NIBAN1: variants seen among roughly 807,000 people sequenced by gnomAD.
NIBAN1 encodes the protein protein Niban 1.
Under a neutral mutation model 75.1 loss-of-function variants are expected in NIBAN1, and 81 were observed. That is an observed-to-expected ratio of 1.08 (90% CI 0.90 to 1.30). NIBAN1 has a LOEUF of 1.30. NIBAN1 is among the 50% of genes most tolerant of loss of function. The probability of loss-of-function intolerance (pLI) is 0.00; values close to 1 mark genes in which losing one functional copy is unlikely to be tolerated. For synonymous variants in NIBAN1, 436 were observed against 424.8 expected (o/e 1.03, Z -0.32); for missense variants, 1,133 against 1,128.1 (o/e 1.00, Z -0.06).
intron 1 of NIBAN1, among the ~76,000 whole-genome samples, chr1:184,899,916 A>C (rs1656904285): frequency 6.7e-6 from 1 of 150,272 alleles, no homozygotes; most frequent in African/African-American, 2.5e-5. Flanking sequence ...TCCCGGGTTC[A>C]AGCGATTCTC....
intron 1 of NIBAN1, among the ~76,000 whole-genome samples, chr1:184,938,536 CTT>C (rs1276171950): frequency 2.0e-5 from 3 of 151,536 alleles, no homozygotes; most frequent in Non-Finnish European, 1.5e-5. Flanking sequence ...CAAGTCAAAT[CTT>C]TTTTTGTGAA....
intron 13 of NIBAN1, among the ~76,000 whole-genome samples, chr1:184,796,929 T>A (rs574448890): frequency 4.6e-5 from 7 of 152,342 alleles, no homozygotes; most frequent in African/African-American, 1.7e-4. Flanking sequence ...GGGCTGGCAG[T>A]GGCCTTGACC....
intron 1 of NIBAN1, among the ~76,000 whole-genome samples, chr1:184,955,141 T>A (rs1320955341): frequency 6.6e-6 from 1 of 152,214 alleles, no homozygotes; most frequent in Non-Finnish European, 1.5e-5. Context: ...ATATTAATTA[T>A]TTTACATTAT....
At chr1:184,970,963 T>G (rs527374255) in intron 1 of NIBAN1, among the ~76,000 whole-genome samples, 1 of 152,262 alleles carries the variant, frequency 6.6e-6, no homozygotes, top group South Asian at 2.1e-4. Context: ...TTTTAAGCTA[T>G]AGTTTAATTT....
At position 184,890,215 on chromosome 1, in the gene NIBAN1, T is replaced by C. The variant is rs1557902107; in HGVS notation, c.326A>G (p.Gln109Arg). The C allele has an allele frequency of 1.2e-6, 2 of 1,613,004 alleles. No homozygotes were observed. Among genetic ancestry groups the C allele is most frequent in the Non-Finnish European group, 1.7e-6 (2 of 1,178,994 alleles). Residue 109 changes from glutamine to arginine, a missense_variant, in exon 4 of 14, where the codon CAG becomes CGG. Physicochemically the swap from Gln to Arg is conservative, Grantham distance 43. Transcript: ENST00000367511. ...VESYENKEAYQRGAAPKCRIL... is the reference protein window; with the variant it reads ...VESYENKEAYRRGAAPKCRIL... ...TCGACATTTAGGAGCAGCTCCTCTCTGATAGGCCTGGGGAGGGAAAGGCAC... is the reference window on the plus strand; with the variant it reads ...TCGACATTTAGGAGCAGCTCCTCTCCGATAGGCCTGGGGAGGGAAAGGCAC...
intron 1 of NIBAN1, among the ~76,000 whole-genome samples, chr1:184,953,489 C>A (rs1363992339): frequency 6.6e-6 from 1 of 152,118 alleles, no homozygotes; most frequent in African/African-American, 2.4e-5. Context: ...TGCTCATTTG[C>A]AAAATACATC....
intron 6 of NIBAN1, among the ~76,000 whole-genome samples, chr1:184,829,016 T>C (rs1322316013): frequency 6.6e-6 from 1 of 152,128 alleles, no homozygotes; most frequent in Non-Finnish European, 1.5e-5. Flanking sequence ...CCCAGGCTAA[T>C]CTCGAACTCC....
chr1:184,873,609 C>T (rs1405240854), intron 5 of NIBAN1, among the ~76,000 whole-genome samples: 1 of 152,138 alleles, frequency 6.6e-6, no homozygotes, highest in Non-Finnish European at 1.5e-5. Context: ...CCCAGAGTTC[C>T]CATTTTCCCA....
chr1:184,877,488 C>T (rs1011751690), intron 5 of NIBAN1, among the ~76,000 whole-genome samples: 3 of 152,068 alleles, frequency 2.0e-5, no homozygotes, highest in Admixed American at 2.0e-4. Flanking sequence ...ATTTTAAAAA[C>T]TCAAAACAAC....
chr1:184,804,689 A>G (rs1255611751), intron 11 of NIBAN1, among the ~76,000 whole-genome samples: 1 of 151,942 alleles, frequency 6.6e-6, no homozygotes, highest in Non-Finnish European at 1.5e-5. Context: ...TGTACGCTAA[A>G]GCATTTGACA....
chr1:184,873,020 T>G (rs1656149174), intron 5 of NIBAN1, among the ~76,000 whole-genome samples: 2 of 152,196 alleles, frequency 1.3e-5, no homozygotes, highest in Non-Finnish European at 2.9e-5. Flanking sequence ...AGAATTAGGC[T>G]GATAGCATAT....
intron 5 of NIBAN1, among the ~76,000 whole-genome samples, chr1:184,881,196 G>A (rs1450211363): frequency 6.6e-6 from 1 of 152,086 alleles, no homozygotes; most frequent in Non-Finnish European, 1.5e-5. Flanking sequence ...TTTTGAAGGA[G>A]GGAGAAACAT....
chr1:184,902,236 T>C (rs1656973938), intron 1 of NIBAN1, among the ~76,000 whole-genome samples: 1 of 152,002 alleles, frequency 6.6e-6, no homozygotes, highest in Non-Finnish European at 1.5e-5. Context: ...CCACCTCTAA[T>C]TTAAAAAAAA....
chr1:184,822,595 G>T (rs1420611665), intron 8 of NIBAN1, among the ~76,000 whole-genome samples: 2 of 152,178 alleles, frequency 1.3e-5, no homozygotes, highest in Non-Finnish European at 1.5e-5. Context: ...CTAAACAGAA[G>T]GTGAGTGACC....
chr1:184,897,712 C>T (rs966456668), intron 2 of NIBAN1, among the ~76,000 whole-genome samples: 6 of 152,256 alleles, frequency 3.9e-5, no homozygotes, highest in East Asian at 1.9e-4. Context: ...CCATTCACTC[C>T]GACTCTTCCT....
chr1:184,921,391 C>T (rs2102018932), intron 1 of NIBAN1, among the ~76,000 whole-genome samples: 1 of 152,114 alleles, frequency 6.6e-6, no homozygotes, highest in East Asian at 1.9e-4. Flanking sequence ...TTTATAGAGA[C>T]AGCGATCACA....
chr1:184,879,699 A>G (rs960963412), intron 5 of NIBAN1, among the ~76,000 whole-genome samples: 1 of 152,226 alleles, frequency 6.6e-6, no homozygotes, highest in African/African-American at 2.4e-5. Flanking sequence ...TTGAACACCT[A>G]AAACTTGCAA....
intron 1 of NIBAN1, among the ~76,000 whole-genome samples, chr1:184,946,978 C>G (rs889398581): frequency 6.6e-6 from 1 of 151,844 alleles, no homozygotes; most frequent in Non-Finnish European, 1.5e-5. Flanking sequence ...GAGGCTGAGG[C>G]AAGAGAATCT....
intron 1 of NIBAN1, among the ~76,000 whole-genome samples, chr1:184,961,528 A>G (rs1034722261): frequency 6.6e-6 from 1 of 152,120 alleles, no homozygotes; most frequent in South Asian, 2.1e-4. Flanking sequence ...CCTTCGTGAC[A>G]CTTATCAAAA....
Sources: gnomAD v4.1 joint callset for allele counts (sites outside exome capture counted in the v4.1 genomes callset) on GRCh38, gnomAD v4.1.1 for gene constraint, MANE v1.5 for transcripts, NCBI Gene and HGNC (gene_info 2026-07-23, HGNC 2026-07-21) for gene names.